HS6ST3: variants seen among roughly 807,000 people sequenced by gnomAD.
HS6ST3 encodes the protein heparan sulfate 6-O-sulfotransferase 3.
HS6ST3 carries 12 observed loss-of-function variants against 36.7 expected under a neutral mutation model. That is an observed-to-expected ratio of 0.33 (90% CI 0.21 to 0.53). The LOEUF is 0.53. Ranked by LOEUF, HS6ST3 falls within the 20% of genes least tolerant of loss-of-function variation. HS6ST3 has a pLI of 0.95. For missense variants in HS6ST3, 584 were observed against 640.9 expected (o/e 0.91, Z 0.96); for synonymous variants, 240 against 257.5 (o/e 0.93, Z 0.65).
chr13:96,699,843 A>G (rs1212534745), intron 1 of HS6ST3, among the ~76,000 whole-genome samples: 3 of 152,230 alleles, frequency 2.0e-5, no homozygotes, highest in African/African-American at 7.2e-5. Context: ...GGAATTCAAC[A>G]CAAATGTTTT....
intron 1 of HS6ST3, among the ~76,000 whole-genome samples, chr13:96,277,533 T>A (rs1329232649): frequency 6.6e-6 from 1 of 152,190 alleles, no homozygotes; most frequent in African/African-American, 2.4e-5. Flanking sequence ...TTCAGAAAGG[T>A]GATAGATTTT....
intron 1 of HS6ST3, among the ~76,000 whole-genome samples, chr13:96,570,213 C>T (rs2056296119): frequency 6.6e-6 from 1 of 152,110 alleles, no homozygotes; most frequent in Non-Finnish European, 1.5e-5. Flanking sequence ...GATACTTGTT[C>T]ATTTCATCCT....
rs373628385 is a variant in HS6ST3 at position 96,406,195 on chromosome 13, CATT to C, written c.707+314630_707+314632del. 3.6e-4 allele frequency among the ~76,000 whole-genome samples: 55 copies of C among 152,310 alleles called. 1 individual carries two copies. Among genetic ancestry groups the C allele is most frequent in the African/African-American group, 1.2e-3 (50 of 41,570 alleles). On this transcript the variant is annotated intron_variant, in intron 1 of 1. Coordinates refer to ENST00000376705, the MANE Select transcript of HS6ST3 (RefSeq NM_153456.4). ...AATCAGTTTTATATTTTTATTCAGA[CATT>C]ATTCTGCTATCACATACAGACAATT...
In HS6ST3 at chr13:96,159,200, G is replaced by A. The variant is rs367924013; in HGVS notation, c.707+67631G>A. On this transcript the variant is annotated intron_variant, in intron 1 of 1. Transcript: ENST00000376705. Reference sequence around the variant, plus strand: ...GCAAGTTCCTCAAGAAGCAGGACACGTTTCCCTCCAAGACAGGAAGGAAAG... The same window carrying A: ...GCAAGTTCCTCAAGAAGCAGGACACATTTCCCTCCAAGACAGGAAGGAAAG... Among the ~76,000 whole-genome samples, 15 of 152,194 alleles carry A rather than the reference G, an allele frequency of 9.9e-5. No individual in the cohort carries two copies. In the East Asian group the frequency reaches 1.5e-3, roughly 16 times the overall value.
At chr13:96,790,390 T>C (rs368584897) in intron 1 of HS6ST3, among the ~76,000 whole-genome samples, 1 of 151,612 alleles carries the variant, frequency 6.6e-6, no homozygotes, top group Admixed American at 6.6e-5. Flanking sequence ...ACTCACTCAA[T>C]GGGGATAACA....
intron 1 of HS6ST3, among the ~76,000 whole-genome samples, chr13:96,450,469 A>G (rs936286925): frequency 6.6e-6 from 1 of 152,186 alleles, no homozygotes; most frequent in Admixed American, 6.5e-5. Flanking sequence ...AACATTTTGT[A>G]TTGAATACAG....
At chr13:96,610,864 AC>A (rs1344484746) in intron 1 of HS6ST3, among the ~76,000 whole-genome samples, 13 of 149,502 alleles carry the variant, frequency 8.7e-5, no homozygotes, top group African/African-American at 3.3e-4. Flanking sequence ...AAAAAAAAAA[AC>A]AAAAAACAAA....
chr13:96,172,671 C>G (rs1296061841), intron 1 of HS6ST3, among the ~76,000 whole-genome samples: 1 of 152,152 alleles, frequency 6.6e-6, no homozygotes, highest in Non-Finnish European at 1.5e-5. Flanking sequence ...GTTCAGTCCA[C>G]AAGTGGCTCA....
rs940325628 is a variant in HS6ST3 at position 96,216,925 on chromosome 13, C to T, written c.707+125356C>T. On this transcript the variant is annotated intron_variant, in intron 1 of 1. Coordinates refer to ENST00000376705, the MANE Select transcript of HS6ST3 (RefSeq NM_153456.4). ...AGAAGCACAGTCCGCTTTTCTGTCG[C>T]TGCATGCCTCGTTTTCCCTGCTCCT... Among the ~76,000 whole-genome samples the T allele has an allele frequency of 5.3e-5, 8 of 152,352 alleles. No homozygotes were observed. In the East Asian group the frequency reaches 9.6e-4, roughly 18 times the overall value.
chr13:96,771,580 G>A (rs1190072848), intron 1 of HS6ST3, among the ~76,000 whole-genome samples: 1 of 152,188 alleles, frequency 6.6e-6, no homozygotes, highest in Non-Finnish European at 1.5e-5. Flanking sequence ...AGCTCAGAAT[G>A]GAGAAAGCAG....
At chr13:96,343,491 T>C (rs1316144168) in intron 1 of HS6ST3, among the ~76,000 whole-genome samples, 1 of 152,192 alleles carries the variant, frequency 6.6e-6, no homozygotes, top group Non-Finnish European at 1.5e-5. Context: ...TGTGATTACA[T>C]TGGGTCCACC....
intron 1 of HS6ST3, among the ~76,000 whole-genome samples, chr13:96,535,214 A>G (rs1171069466): frequency 6.6e-6 from 1 of 152,034 alleles, no homozygotes; most frequent in Non-Finnish European, 1.5e-5. Flanking sequence ...AGAAGGTTTG[A>G]TTGGGGATTC....
chr13:96,193,573 T>C (rs574765106), intron 1 of HS6ST3, among the ~76,000 whole-genome samples: 8 of 152,008 alleles, frequency 5.3e-5, no homozygotes, highest in Non-Finnish European at 1.2e-4. Context: ...GTGTTGTGGA[T>C]ATGTCTTAAA....
chr13:96,328,687 T>C (rs2055046962), intron 1 of HS6ST3, among the ~76,000 whole-genome samples: 1 of 152,138 alleles, frequency 6.6e-6, no homozygotes, highest in African/African-American at 2.4e-5. Flanking sequence ...AGGATGATGC[T>C]GGCCTCATAA....
At chr13:96,168,448 G>A (rs977417800) in intron 1 of HS6ST3, among the ~76,000 whole-genome samples, 24 of 152,248 alleles carry the variant, frequency 1.6e-4, no homozygotes, top group Middle Eastern at 6.8e-3. Flanking sequence ...GCTCATGTCT[G>A]TAATCCCAGC....
At chr13:96,141,739 C>G (rs532613724) in intron 1 of HS6ST3, among the ~76,000 whole-genome samples, 87 of 152,248 alleles carry the variant, frequency 5.7e-4, no homozygotes, top group African/African-American at 1.9e-3. Context: ...TACTCAGTGT[C>G]TCTAATTCAG....
At chr13:96,515,763 T>G (rs1260551517) in intron 1 of HS6ST3, among the ~76,000 whole-genome samples, 1 of 152,222 alleles carries the variant, frequency 6.6e-6, no homozygotes, top group Non-Finnish European at 1.5e-5. Flanking sequence ...GTAAGTTTCC[T>G]GAGGCCTCCC....
chr13:96,542,120 C>A (rs968173662), intron 1 of HS6ST3, among the ~76,000 whole-genome samples: 1 of 152,128 alleles, frequency 6.6e-6, no homozygotes, highest in African/African-American at 2.4e-5. Flanking sequence ...AAATACTTAA[C>A]AAATTATGTT....
intron 1 of HS6ST3, among the ~76,000 whole-genome samples, chr13:96,534,501 C>T (rs1020419675): frequency 6.6e-6 from 1 of 152,176 alleles, no homozygotes. Flanking sequence ...TTTATTAATA[C>T]TAATTGGCAC....
Sources: gnomAD v4.1 joint callset for allele counts (sites outside exome capture counted in the v4.1 genomes callset) on GRCh38, gnomAD v4.1.1 for gene constraint, MANE v1.5 for transcripts, NCBI Gene and HGNC (gene_info 2026-07-23, HGNC 2026-07-21) for gene names.